PTPRN2: variants seen among roughly 807,000 people sequenced by gnomAD.
PTPRN2 encodes protein tyrosine phosphatase receptor type N2.
A neutral mutation model predicts 118.8 loss-of-function variants in PTPRN2; 74 were observed. That is an observed-to-expected ratio of 0.62 (90% confidence interval 0.52 to 0.76). PTPRN2 has a LOEUF of 0.76. Among genes scored for constraint, PTPRN2 ranks in the 30% least tolerant of loss-of-function variants. The probability of loss-of-function intolerance (pLI) is 0.00; values close to 1 mark genes in which losing one functional copy is unlikely to be tolerated. For synonymous variants in PTPRN2, 641 were observed against 608.0 expected, an observed-to-expected ratio of 1.05 and a Z score of -0.80; for missense variants, 1,481 against 1,394.4, an observed-to-expected ratio of 1.06 and a Z score of -0.99.
intron 12 of PTPRN2, among the ~76,000 whole-genome samples, chr7:157,836,611 G>GACAC (rs57654943): frequency 0.73 from 109,061 of 150,264 alleles, 40,100 homozygotes; most frequent in East Asian, 0.96. Flanking sequence ...GCAAAATAAA[G>GACAC]ACACACACAC....
At chr7:158,331,378 G>C (rs1430175814) in intron 2 of PTPRN2, among the ~76,000 whole-genome samples, 1 of 126,396 alleles carries the variant, frequency 7.9e-6, no homozygotes, top group Non-Finnish European at 1.7e-5. Context: ...ACCCGCAGAA[G>C]TCACTCACAC....
rs113731471 is a variant in PTPRN2, at chr7:158,406,182, G to A, written c.163+83553C>T. Among the ~76,000 whole-genome samples, 181 of 147,558 alleles carry A rather than the reference G, an allele frequency of 1.2e-3. 4 individuals are homozygous for A. The highest frequency in any genetic ancestry group is 4.4e-3 in the African/African-American group (174 of 39,336). Reference sequence around the variant, plus strand: ...CCGCAGTGGCTCATCCATGAGACACGTGGCCGCACACTGAGATCCCGGTGG... The same window carrying A: ...CCGCAGTGGCTCATCCATGAGACACATGGCCGCACACTGAGATCCCGGTGG... On this transcript the variant is annotated intron_variant, in intron 2 of 22. Coordinates refer to ENST00000389418, the MANE Select transcript of PTPRN2 (RefSeq NM_002847.5).
intron 12 of PTPRN2, among the ~76,000 whole-genome samples, chr7:157,816,181 G>A (rs538315647): frequency 1.3e-5 from 2 of 152,224 alleles, no homozygotes; most frequent in Admixed American, 6.5e-5. Context: ...CAGCCCTGCC[G>A]GCTCGCCTCC....
At chr7:157,735,068 T>G (rs1379410495) in intron 12 of PTPRN2, among the ~76,000 whole-genome samples, 1 of 152,244 alleles carries the variant, frequency 6.6e-6, no homozygotes, top group Non-Finnish European at 1.5e-5. Context: ...CGAGAGCACC[T>G]GGCCTGGTGG....
chr7:158,164,996 G>T (rs4373473), intron 6 of PTPRN2, among the ~76,000 whole-genome samples: 95,723 of 150,728 alleles, frequency 0.64, 31,114 homozygotes, highest in East Asian at 0.79. Context: ...TAGCGTCCAG[G>T]ACCTACGAGA....
rs75290696 is a variant in PTPRN2 at position 157,918,443 on chromosome 7, G to A, written c.1724-19706C>T. On this transcript the variant is annotated intron_variant, in intron 11 of 22. Transcript: ENST00000389418. The stretch of plus-strand genomic sequence containing the variant: ...GCTGAGGAGCTGGAAGGCGTGGGCC[G>A]GTGTGATTAACGAGAAACACACACA... 2.8e-3 allele frequency among the ~76,000 whole-genome samples: 428 copies of A among 152,308 alleles called. 4 individuals are homozygous for A. The highest frequency in any genetic ancestry group is 0.01 in the African/African-American group (417 of 41,566).
Position 158,078,475 on chromosome 7 carries a change from T to C in PTPRN2, c.1723+2823A>G, listed in dbSNP as rs1277335424. On this transcript the variant is annotated intron_variant, in intron 11 of 22. Transcript: ENST00000389418. ...CACCACAGGGCGTTTGTGATGACACTATTAGGATTCCACATCATCTTTTAA... is the reference window on the plus strand; with the variant it reads ...CACCACAGGGCGTTTGTGATGACACCATTAGGATTCCACATCATCTTTTAA... Among the ~76,000 whole-genome samples, 5 of 152,260 alleles carry C rather than the reference T, an allele frequency of 3.3e-5. No homozygotes were observed. The East Asian group carries it at 9.6e-4, about 29-fold the overall frequency.
At chr7:158,145,012 C>T (rs1445739784) in intron 6 of PTPRN2, among the ~76,000 whole-genome samples, 2 of 149,600 alleles carry the variant, frequency 1.3e-5, no homozygotes, top group East Asian at 3.9e-4. Context: ...ACTTCCCTCA[C>T]ATCATCGCGA....
At chr7:157,797,469 C>G (rs976153350) in intron 12 of PTPRN2, among the ~76,000 whole-genome samples, 1 of 138,224 alleles carries the variant, frequency 7.2e-6, no homozygotes, top group Non-Finnish European at 1.5e-5. Flanking sequence ...TGCTTATGGG[C>G]TGAGGTCGTG....
intron 21 of PTPRN2, among the ~76,000 whole-genome samples, chr7:157,552,497 G>T (rs1295005397): frequency 1.3e-5 from 2 of 152,082 alleles, no homozygotes; most frequent in Non-Finnish European, 2.9e-5. Flanking sequence ...CGTGGGGAGG[G>T]GATGGGCCGA....
At chr7:158,073,125 C>G (rs544036070) in intron 11 of PTPRN2, among the ~76,000 whole-genome samples, 61 of 152,230 alleles carry the variant, frequency 4.0e-4, no homozygotes, top group Non-Finnish European at 4.3e-4. Flanking sequence ...TCTCCATCAC[C>G]TTTGCACTCA....
chr7:157,846,559 G>A (rs940879140), intron 12 of PTPRN2, among the ~76,000 whole-genome samples: 3 of 152,154 alleles, frequency 2.0e-5, no homozygotes, highest in Admixed American at 6.5e-5. Flanking sequence ...CCCTGAGTGC[G>A]CTGCCCCAAC....
At chr7:157,796,763 C>T (rs1055223772) in intron 12 of PTPRN2, among the ~76,000 whole-genome samples, 7 of 152,102 alleles carry the variant, frequency 4.6e-5, no homozygotes, top group African/African-American at 1.7e-4. Flanking sequence ...CCACGGTGGG[C>T]GTAGGCGCAA....
intron 11 of PTPRN2, among the ~76,000 whole-genome samples, chr7:157,959,332 AG>A: frequency 6.6e-6 from 1 of 152,388 alleles, no homozygotes; most frequent in East Asian, 1.9e-4. Context: ...CTAAAGGCAC[AG>A]GCAACAAAGA....
chr7:158,236,668 CCCCAGTTA>C (rs1021198975), intron 3 of PTPRN2, among the ~76,000 whole-genome samples: 3 of 152,186 alleles, frequency 2.0e-5, no homozygotes, highest in Non-Finnish European at 4.4e-5. Context: ...CTGCCTGGCC[CCCCAGTTA>C]CCCAGTTACC....
chr7:157,871,970 A>C (rs1423182746), intron 12 of PTPRN2, among the ~76,000 whole-genome samples: 2 of 126,144 alleles, frequency 1.6e-5, no homozygotes, highest in South Asian at 2.6e-4. Flanking sequence ...GCGCTTCCCC[A>C]CACACACATA....
At chr7:157,843,648 G>GTA (rs1246320687) in intron 12 of PTPRN2, among the ~76,000 whole-genome samples, 2 of 152,224 alleles carry the variant, frequency 1.3e-5, no homozygotes, top group African/African-American at 4.8e-5. Flanking sequence ...CTCATTGAGT[G>GTA]CAGGTGTCGG....
intron 3 of PTPRN2, among the ~76,000 whole-genome samples, chr7:158,259,819 T>A (rs1797272522): frequency 6.8e-6 from 1 of 147,876 alleles, no homozygotes; most frequent in African/African-American, 2.4e-5. Context: ...TGTCCCTTTG[T>A]GTACACATAT....
chr7:157,867,314 G>A (rs1229187625), intron 12 of PTPRN2, among the ~76,000 whole-genome samples: 1 of 92,114 alleles, frequency 1.1e-5, no homozygotes, highest in Non-Finnish European at 2.0e-5. Flanking sequence ...CTGGATACAC[G>A]GCCACCACCC....
Sources: gnomAD v4.1 joint callset for allele counts (sites outside exome capture counted in the v4.1 genomes callset) on GRCh38, gnomAD v4.1.1 for gene constraint, MANE v1.5 for transcripts, NCBI Gene and HGNC (gene_info 2026-07-23, HGNC 2026-07-21) for gene names.